Variants in ELAVL2 observed in about 807,000 individuals in gnomAD.
ELAVL2 encodes the protein ELAV like RNA binding protein 2.
ELAVL2 carries 4 observed loss-of-function variants against 34.6 expected under a neutral mutation model. That is an observed-to-expected ratio of 0.12 (90% CI 0.06 to 0.26). The LOEUF (loss-of-function observed/expected upper bound fraction) is 0.26, where lower values mean the gene tolerates loss of function less well. Among genes scored for constraint, ELAVL2 ranks in the 10% least tolerant of loss-of-function variants. The pLI is 1.00. For missense variants in ELAVL2, 432 were observed against 442.8 expected, an observed-to-expected ratio of 0.98 and a Z score of 0.22; for synonymous variants, 193 against 154.8, an observed-to-expected ratio of 1.25 and a Z score of -1.83.
intron 3 of ELAVL2, among the ~76,000 whole-genome samples, chr9:23,722,103 C>T (rs527489768): frequency 8.5e-5 from 13 of 152,238 alleles, no homozygotes; most frequent in South Asian, 8.3e-4. Context: ...GTAGTACATG[C>T]GGGTGAGAAC....
At chr9:23,760,116 T>C (rs371492279) in intron 2 of ELAVL2, among the ~76,000 whole-genome samples, 4 of 151,974 alleles carry the variant, frequency 2.6e-5, no homozygotes, top group Admixed American at 1.3e-4. Flanking sequence ...CTCAAATTTA[T>C]CCCATTTTGC....
chr9:23,721,292 T>C (rs1037049959), intron 3 of ELAVL2, among the ~76,000 whole-genome samples: 1 of 152,212 alleles, frequency 6.6e-6, no homozygotes, highest in African/African-American at 2.4e-5. Context: ...TGTGCTTGAT[T>C]CTATGAAGTT....
intron 1 of ELAVL2, among the ~76,000 whole-genome samples, chr9:23,809,159 G>A (rs1320618733): frequency 6.6e-6 from 1 of 152,124 alleles, no homozygotes; most frequent in Non-Finnish European, 1.5e-5. Context: ...CCACCTGACT[G>A]CTTTGTGCAT....
chr9:23,722,196 A>C (rs902397308), intron 3 of ELAVL2, among the ~76,000 whole-genome samples: 10 of 152,212 alleles, frequency 6.6e-5, no homozygotes, highest in African/African-American at 2.4e-4. Context: ...TAAAGAGTCT[A>C]CGCAAATTTA....
At chr9:23,832,919 A>C in the ELAVL2 span, among the ~76,000 whole-genome samples, 1 of 152,144 alleles carries the variant, frequency 6.6e-6, no homozygotes, top group Non-Finnish European at 1.5e-5. Context: ...TGAATTAAAA[A>C]CAATTATAAA....
chr9:23,697,371 T>G (rs1053290891), intron 5 of ELAVL2, among the ~76,000 whole-genome samples: 1 of 152,218 alleles, frequency 6.6e-6, no homozygotes, highest in Non-Finnish European at 1.5e-5. Flanking sequence ...ATGAGATATC[T>G]GAAATTATTT....
At chr9:23,772,365 A>G (rs34832165) in intron 1 of ELAVL2, among the ~76,000 whole-genome samples, 2 of 152,222 alleles carry the variant, frequency 1.3e-5, no homozygotes, top group African/African-American at 4.8e-5. Context: ...AAAATAAAAG[A>G]CAAGGAAGGT....
At chr9:23,704,748 A>G (rs1346443537) in intron 4 of ELAVL2, among the ~76,000 whole-genome samples, 170 bp downstream of exon 4, 6 of 152,090 alleles carry the variant, frequency 3.9e-5, no homozygotes. Flanking sequence ...TCCACAATCT[A>G]TTTTTATCCA....
At chr9:23,821,407 C>A (rs1341844245) in intron 1 of ELAVL2, 2 of 152,054 alleles carry the variant, frequency 1.3e-5, no homozygotes, top group East Asian at 2.0e-4. Flanking sequence ...CCCGCCGCAA[C>A]GGGCTGAGCT....
chr9:23,698,635 T>TA (rs2036100153), intron 5 of ELAVL2, among the ~76,000 whole-genome samples: 1 of 152,096 alleles, frequency 6.6e-6, no homozygotes, highest in Non-Finnish European at 1.5e-5. Flanking sequence ...AAAACACAAA[T>TA]ATCAGGGACA....
chr9:23,794,823 C>A (rs2060721419), intron 1 of ELAVL2, among the ~76,000 whole-genome samples: 1 of 152,058 alleles, frequency 6.6e-6, no homozygotes, highest in South Asian at 2.1e-4. Context: ...TAAAATATGG[C>A]AGAGTATGCA....
intron 1 of ELAVL2, among the ~76,000 whole-genome samples, chr9:23,790,625 T>C (rs1362948961): frequency 6.6e-6 from 1 of 152,218 alleles, no homozygotes; most frequent in Non-Finnish European, 1.5e-5. Context: ...CTCTGCTGAT[T>C]ACCTTGAATA....
chr9:23,743,675 C>G (rs909223116), intron 2 of ELAVL2, among the ~76,000 whole-genome samples: 1 of 152,094 alleles, frequency 6.6e-6, no homozygotes, highest in Admixed American at 6.5e-5. Context: ...AACCTAAACA[C>G]AAAAATAATT....
At chr9:23,840,719 G>A in the ELAVL2 span, among the ~76,000 whole-genome samples, 1 of 152,130 alleles carries the variant, frequency 6.6e-6, no homozygotes, top group Non-Finnish European at 1.5e-5. Flanking sequence ...GGAAATTGCA[G>A]TCATTCCACT....
intron 1 of ELAVL2, among the ~76,000 whole-genome samples, chr9:23,774,235 AAAAG>A (rs1202748312): frequency 8.3e-5 from 11 of 132,316 alleles, no homozygotes; most frequent in East Asian, 2.2e-4. Context: ...AAAAAAAAAA[AAAAG>A]AAAGAAAGAA....
At chr9:23,754,145 T>C (rs189092000) in intron 2 of ELAVL2, among the ~76,000 whole-genome samples, 31 of 152,272 alleles carry the variant, frequency 2.0e-4, no homozygotes, top group African/African-American at 6.7e-4. Context: ...CACATATTTT[T>C]TTTTACATTT....
At chr9:23,724,131 A>G (rs1195255706) in intron 3 of ELAVL2, among the ~76,000 whole-genome samples, 1 of 152,186 alleles carries the variant, frequency 6.6e-6, no homozygotes, top group Non-Finnish European at 1.5e-5. Flanking sequence ...ACCCCTGTGG[A>G]GCATGCTTAG....
intron 4 of ELAVL2, among the ~76,000 whole-genome samples, chr9:23,703,382 G>T (rs1043041949): frequency 1.3e-5 from 2 of 152,164 alleles, no homozygotes; most frequent in African/African-American, 4.8e-5. Flanking sequence ...TAGTCTATGT[G>T]ATAACAACAC....
intron 3 of ELAVL2, among the ~76,000 whole-genome samples, chr9:23,705,959 A>T (rs1587423166): frequency 6.6e-6 from 1 of 152,168 alleles, no homozygotes; most frequent in East Asian, 1.9e-4. Context: ...TGTGGGTGGT[A>T]GTGCTACATT....
Sources: gnomAD v4.1 joint callset for allele counts (sites outside exome capture counted in the v4.1 genomes callset) on GRCh38, gnomAD v4.1.1 for gene constraint, MANE v1.5 for transcripts, NCBI Gene and HGNC (gene_info 2026-07-23, HGNC 2026-07-21) for gene names.